RORA: variants seen among roughly 807,000 people sequenced by gnomAD.
The protein encoded by RORA is nuclear receptor ROR-alpha.
RORA carries 7 observed loss-of-function variants against 69.5 expected under a neutral mutation model. The observed-to-expected ratio is 0.10, with a 90% CI of 0.06 to 0.19. The LOEUF is 0.19. RORA is among the 10% of genes least tolerant of loss of function. The probability of loss-of-function intolerance (pLI) is 1.00; values close to 1 mark genes in which losing one functional copy is unlikely to be tolerated. For missense variants in RORA, 457 were observed against 663.0 expected (o/e 0.69, Z 3.41); for synonymous variants, 261 against 240.8 (o/e 1.08, Z -0.78).
At chr15:60,814,037 A>G (rs960671586) in intron 1 of RORA, among the ~76,000 whole-genome samples, 1 of 152,190 alleles carries the variant, frequency 6.6e-6, no homozygotes, top group Non-Finnish European at 1.5e-5. Context: ...AAAACAATCT[A>G]TGAAGATTAT....
intron 1 of RORA, among the ~76,000 whole-genome samples, chr15:60,824,436 T>A (rs932044358): frequency 7.6e-5 from 11 of 144,282 alleles, no homozygotes; most frequent in Non-Finnish European, 1.1e-4. Context: ...TTCATAGACA[T>A]CTTCCCTTAT....
At chr15:60,730,712 G>C (rs1345809044) in intron 1 of RORA, among the ~76,000 whole-genome samples, 1 of 152,038 alleles carries the variant, frequency 6.6e-6, no homozygotes, top group Non-Finnish European at 1.5e-5. Context: ...CTATATCATG[G>C]ATTCATTTCC....
intron 1 of RORA, among the ~76,000 whole-genome samples, chr15:61,223,879 T>C (rs2140950608): frequency 6.6e-6 from 1 of 152,298 alleles, no homozygotes; most frequent in Non-Finnish European, 1.5e-5. Flanking sequence ...TAAACACTGA[T>C]TCTCAGGTTT....
intron 1 of RORA, among the ~76,000 whole-genome samples, chr15:60,988,870 TCTCA>T (rs2046284784): frequency 6.6e-6 from 1 of 151,450 alleles, no homozygotes; most frequent in Non-Finnish European, 1.5e-5. Context: ...ACTACTATGA[TCTCA>T]CTGTCTTTTC....
intron 1 of RORA, among the ~76,000 whole-genome samples, chr15:61,119,081 AG>A (rs1555412567): frequency 5.4e-3 from 171 of 31,418 alleles, no homozygotes; most frequent in African/African-American, 0.026. Context: ...AGTTAACAGA[AG>A]GGGGGGGGGG....
At chr15:60,943,653 T>G (rs1447038529) in intron 1 of RORA, among the ~76,000 whole-genome samples, 1 of 152,040 alleles carries the variant, frequency 6.6e-6, no homozygotes. Flanking sequence ...TGGTGGCTCA[T>G]GCCTGTAATC....
At chr15:60,504,674 T>C (rs2065441909) in intron 6 of RORA, among the ~76,000 whole-genome samples, 1 of 152,252 alleles carries the variant, frequency 6.6e-6, no homozygotes, top group Non-Finnish European at 1.5e-5. Flanking sequence ...CTTTGTAGCT[T>C]TGGCTGCTGG....
chr15:61,180,675 A>G (rs1373342108), intron 1 of RORA, among the ~76,000 whole-genome samples: 1 of 152,228 alleles, frequency 6.6e-6, no homozygotes, highest in African/African-American at 2.4e-5. Context: ...AACACATTCT[A>G]TTGAAATTCT....
intron 1 of RORA, among the ~76,000 whole-genome samples, chr15:61,141,548 A>G (rs62007576): frequency 0.068 from 10,389 of 152,312 alleles, 464 homozygotes; most frequent in Non-Finnish European, 0.093. Flanking sequence ...AAAAAATTTT[A>G]GAAATCTATT....
intron 8 of RORA, among the ~76,000 whole-genome samples, chr15:60,501,649 C>G (rs1372805366): frequency 1.3e-5 from 2 of 152,188 alleles, no homozygotes; most frequent in Non-Finnish European, 2.9e-5. Flanking sequence ...GTTTTCAACT[C>G]TATTTCATCT....
chr15:60,639,441 G>A (rs865797838), intron 2 of RORA, among the ~76,000 whole-genome samples: 15 of 146,368 alleles, frequency 1.0e-4, no homozygotes, highest in Middle Eastern at 3.5e-3. Context: ...TGGGAGGAGC[G>A]TTTGGCATGT....
At chr15:60,591,752 G>T (rs1416139637) in intron 2 of RORA, among the ~76,000 whole-genome samples, 1 of 152,108 alleles carries the variant, frequency 6.6e-6, no homozygotes, top group East Asian at 1.9e-4. Context: ...CGCTCGAGGC[G>T]CCCGTCTCGC....
intron 1 of RORA, among the ~76,000 whole-genome samples, chr15:60,930,300 T>G (rs1892338279): frequency 6.6e-6 from 1 of 152,076 alleles, no homozygotes; most frequent in Admixed American, 6.5e-5. Flanking sequence ...TGTGCCCTAT[T>G]TAGTCATTTC....
intron 1 of RORA, among the ~76,000 whole-genome samples, chr15:61,059,929 G>GAAT (rs1352718554): frequency 8.4e-6 from 1 of 119,098 alleles, no homozygotes; most frequent in Non-Finnish European, 1.8e-5. Flanking sequence ...AGAAGAAGAA[G>GAAT]AAGAACAAGA....
chr15:60,969,084 G>A (rs972589893), intron 1 of RORA, among the ~76,000 whole-genome samples: 1 of 152,162 alleles, frequency 6.6e-6, no homozygotes, highest in African/African-American at 2.4e-5. Context: ...TATCTCAGTA[G>A]CAACTTCTTA....
Position 60,678,702 on chromosome 15 carries a change from C to T in RORA, c.167-16G>A, listed in dbSNP as rs2070591978. On this transcript the variant is annotated splice_polypyrimidine_tract_variant and intron_variant, in intron 1 of 10. Coordinates refer to ENST00000335670, the MANE Select transcript of RORA (RefSeq NM_134261.3). ...ACTGAGATACCTGGAAGAGAAGAAA[C>T]AATAACATAGGTTAGAAAGTGCCCT... The T allele has an allele frequency of 1.9e-6, 3 of 1,608,742 alleles. No homozygotes were observed. Among genetic ancestry groups the T allele is most frequent in the Admixed American group, 1.7e-5 (1 of 59,970 alleles).
chr15:60,764,760 A>G (rs1294142825), intron 1 of RORA: 3 of 152,250 alleles, frequency 2.0e-5, no homozygotes, highest in African/African-American at 7.2e-5. Flanking sequence ...ACTCATTGAT[A>G]AAGCTCGGCT....
chr15:61,016,878 A>T (rs1248517280), intron 1 of RORA, among the ~76,000 whole-genome samples: 1 of 152,166 alleles, frequency 6.6e-6, no homozygotes, highest in Non-Finnish European at 1.5e-5. Flanking sequence ...GATAAACCTG[A>T]TTTCATTAAG....
At chr15:60,522,897 C>T (rs917313140) in intron 3 of RORA, among the ~76,000 whole-genome samples, 1 of 151,826 alleles carries the variant, frequency 6.6e-6, no homozygotes, top group African/African-American at 2.4e-5. Flanking sequence ...TGGTGAAACC[C>T]TGTCTCTACT....
Sources: gnomAD v4.1 joint callset for allele counts (sites outside exome capture counted in the v4.1 genomes callset) on GRCh38, gnomAD v4.1.1 for gene constraint, MANE v1.5 for transcripts, NCBI Gene and HGNC (gene_info 2026-07-23, HGNC 2026-07-21) for gene names.